The following EXD3 variants were observed in gnomAD, a reference collection of about 807,000 sequenced individuals.
EXD3 encodes the protein exonuclease mut-7 homolog.
In EXD3, 92 loss-of-function variants were observed where a neutral mutation model predicts 98.0. The observed-to-expected ratio is 0.94, with a 90% CI of 0.79 to 1.12. EXD3 has a LOEUF of 1.12. Among genes scored for constraint, EXD3 ranks in the 50% most tolerant of loss-of-function variants. EXD3 has a pLI of 0.00. For synonymous variants in EXD3, 569 were observed against 526.0 expected (o/e 1.08, Z -1.12); for missense variants, 1,222 against 1,191.6 (o/e 1.03, Z -0.38).
intron 19 of EXD3, among the ~76,000 whole-genome samples, chr9:137,317,200 G>A (rs919423730): frequency 2.4e-4 from 36 of 152,146 alleles, no homozygotes; most frequent in African/African-American, 8.2e-4. Flanking sequence ...CCCCAGGCGC[G>A]CACCTGCCAG....
At chr9:137,353,166 C>T in intron 10 of EXD3, 1 of 983,414 alleles carries the variant, frequency 1.0e-6, no homozygotes. Context: ...CAAGCCTCTG[C>T]TGACCTTCCT....
rs369732073 is a variant in EXD3, at chr9:137,354,605, C to G, written c.831+95G>C. The G allele has an allele frequency of 1.8e-5, 28 of 1,571,308 alleles. 1 individual carries two copies. The highest frequency in any genetic ancestry group is 1.2e-4 in the East Asian group (5 of 42,974). ...AAGAAGCAGCTCCTACTTGATATGT[C>G]TGTGCACCCTGCAGTGCGCAGTGAG... On this transcript the variant is annotated intron_variant, in intron 9 of 21. Transcript: ENST00000340951.
intron 19 of EXD3, among the ~76,000 whole-genome samples, chr9:137,317,412 C>T (rs1162877896): frequency 6.6e-6 from 1 of 152,146 alleles, no homozygotes; most frequent in Non-Finnish European, 1.5e-5. Flanking sequence ...CCGGGGCCAC[C>T]TGAGGAGGGC....
chr9:137,348,056 T>C lies in EXD3; in HGVS notation c.1998+15A>G. 8.1e-6 allele frequency: 13 copies of C among 1,606,740 alleles called. No homozygotes were observed. The highest frequency in any genetic ancestry group is 1.1e-5 in the Non-Finnish European group (13 of 1,178,306). Reference sequence around the variant, plus strand: ...GCACCTTGGGAGGACCCCAAGACCCTCCCCGCAAACTCACCTCGGCCGCCC... The same window carrying C: ...GCACCTTGGGAGGACCCCAAGACCCCCCCCGCAAACTCACCTCGGCCGCCC... On this transcript the variant is annotated intron_variant, in intron 17 of 21. Transcript: ENST00000340951.
intron 1 of EXD3, among the ~76,000 whole-genome samples, chr9:137,406,545 T>C (rs1837722950): frequency 6.6e-6 from 1 of 152,188 alleles, no homozygotes; most frequent in Non-Finnish European, 1.5e-5. Context: ...GCCCCTGGCG[T>C]GCCCCGTGGC....
chr9:137,416,145 A>G (rs1027117221), intron 1 of EXD3, among the ~76,000 whole-genome samples: 8 of 152,214 alleles, frequency 5.3e-5, no homozygotes, highest in African/African-American at 1.7e-4. Flanking sequence ...GCCGCCGGCC[A>G]CTGCCAGCCA....
rs1448627820 is a variant in EXD3 at position 137,393,380 on chromosome 9, C to T, written c.55+1923G>A. The T allele has an allele frequency of 7.8e-6, 5 of 639,046 alleles. No homozygotes were observed. The highest frequency in any genetic ancestry group is 1.8e-5 in the African/African-American group (1 of 55,372). The allele number at this position is 639,046 out of a possible 1,614,324, so 39.6% of individuals were successfully genotyped here. A position where few individuals can be genotyped will look rare whatever the true frequency, so the allele number is the denominator to read the frequency against. On this transcript the variant is annotated intron_variant, in intron 2 of 21. Coordinates refer to ENST00000340951, the MANE Select transcript of EXD3 (RefSeq NM_017820.5). This position sits in a 1 kb window ranked among gnomAD's most constrained non-coding sequence, Gnocchi z 4.6. ...GGCCCGCAGATGGCCTCAGAGGAGGCGGTGGATGAACGGAAGGGTGAGGGG... is the reference window on the plus strand; with the variant it reads ...GGCCCGCAGATGGCCTCAGAGGAGGTGGTGGATGAACGGAAGGGTGAGGGG...
At chr9:137,307,713 C>T (rs1831122323) in intron 20 of EXD3, 67 bp from the exon 21 acceptor site, 23 of 1,573,688 alleles carry the variant, frequency 1.5e-5, no homozygotes, top group Non-Finnish European at 2.0e-5. Context: ...CCAGCGGGGT[C>T]CATGACGCAG....
At chr9:137,309,287 CTG>C (rs1289468775) in intron 20 of EXD3, among the ~76,000 whole-genome samples, 1 of 152,130 alleles carries the variant, frequency 6.6e-6, no homozygotes, top group Non-Finnish European at 1.5e-5. Flanking sequence ...GTGTGTGTGT[CTG>C]TGTGCACCGC....
intron 10 of EXD3, chr9:137,354,013 C>A: frequency 1.7e-6 from 2 of 1,155,562 alleles, no homozygotes; most frequent in East Asian, 4.1e-5. Flanking sequence ...CTCGCCCAGG[C>A]GCCTTGCACC....
At chr9:137,354,971 C>T (rs1293008184) in intron 8 of EXD3, among the ~76,000 whole-genome samples, 198 bp from the exon 9 acceptor site, 2 of 152,222 alleles carry the variant, frequency 1.3e-5, no homozygotes, top group Admixed American at 1.3e-4. Flanking sequence ...TCCCGCCGGC[C>T]CCGGGGTCTC....
intron 1 of EXD3, among the ~76,000 whole-genome samples, chr9:137,399,672 T>C (rs781536560): frequency 6.6e-5 from 10 of 152,298 alleles, no homozygotes; most frequent in Middle Eastern, 3.4e-3. Context: ...ATTGGACTTA[T>C]GGTTCCACAT....
At chr9:137,342,180 G>A (rs1186043835) in intron 17 of EXD3, among the ~76,000 whole-genome samples, 1 of 5,376 alleles carries the variant, frequency 1.9e-4, no homozygotes, top group Non-Finnish European at 3.9e-4. Context: ...CAGAGGAAAC[G>A]GGGCTCAGGC....
chr9:137,336,830 AAAAG>A (rs1833377897), intron 17 of EXD3, among the ~76,000 whole-genome samples: 1 of 152,168 alleles, frequency 6.6e-6, no homozygotes, highest in Admixed American at 6.5e-5. Flanking sequence ...AGCATGAAAA[AAAAG>A]AGGAAAAAGA....
rs1838246063 is a variant in EXD3 at position 137,416,674 on chromosome 9, A to T, written c.-48+6440T>A. 1.3e-5 allele frequency among the ~76,000 whole-genome samples: 2 copies of T among 152,172 alleles called. 1 individual carries two copies. The highest frequency in any genetic ancestry group is 4.1e-4 in the South Asian group (2 of 4,828). ...CACGCCAGGCGGCCACCCTCTGAGG[A>T]GGATGGGGACGGGACACATCCAGGT... On this transcript the variant is annotated intron_variant, in intron 1 of 21. Coordinates refer to ENST00000340951, the MANE Select transcript of EXD3 (RefSeq NM_017820.5).
chr9:137,307,055 G>A lies in EXD3; in HGVS notation c.2526C>T (p.Gly842=), dbSNP rs1831078394. ...CTGCGKVFWD[G]SHLGRVATHF... ...GGGTGGCAACACGACCCAGGTGGGA[G>A]CCGTCCCAGAAGACCTTTCCACAGC... The change falls in exon 22 of 22, where the codon GGC becomes GGT. Residue 842 remains glycine, a synonymous_variant. Coordinates refer to ENST00000340951, the MANE Select transcript of EXD3 (RefSeq NM_017820.5). 1.2e-6 allele frequency: 2 copies of A among 1,612,206 alleles called. No individual in the cohort carries two copies. The highest frequency in any genetic ancestry group is 1.7e-6 in the Non-Finnish European group (2 of 1,179,650).
chr9:137,346,739 T>C (rs940615900), intron 17 of EXD3, among the ~76,000 whole-genome samples: 3 of 147,624 alleles, frequency 2.0e-5, no homozygotes, highest in Non-Finnish European at 3.0e-5. Flanking sequence ...ACTCATCCCC[T>C]GATTCTAAAA....
chr9:137,369,317 C>G (rs551941792), intron 5 of EXD3, among the ~76,000 whole-genome samples: 1 of 152,126 alleles, frequency 6.6e-6, no homozygotes, highest in Admixed American at 6.5e-5. Flanking sequence ...CACACAAGGG[C>G]TCTGATCCCT....
In EXD3 at chr9:137,307,077, C is replaced by T. The variant is rs766507998; in HGVS notation, c.2504G>A (p.Cys835Tyr). ...GLRCFYCCTG[C>Y]GKVFWDGSHL... ...GGAGCCGTCCCAGAAGACCTTTCCA[C>T]AGCCCGTGCAGCAGTAGAAGCACCG... The change falls in exon 22 of 22, where the codon TGT becomes TAT. Residue 835 changes from cysteine to tyrosine, a missense_variant. Coordinates refer to ENST00000340951, the MANE Select transcript of EXD3 (RefSeq NM_017820.5). 17 of 1,611,202 alleles carry T rather than the reference C, an allele frequency of 1.1e-5. No homozygotes were observed. The African/African-American group carries it at 1.7e-4, about 16-fold the overall frequency.
Sources: gnomAD v4.1 joint callset for allele counts (sites outside exome capture counted in the v4.1 genomes callset) on GRCh38, gnomAD v4.1.1 for gene constraint, Gnocchi (gnomAD v3.1) non-coding constraint, MANE v1.5 for transcripts, NCBI Gene and HGNC (gene_info 2026-07-23, HGNC 2026-07-21) for gene names.